Variants in SNTB1 observed in about 807,000 individuals in gnomAD.
SNTB1 encodes beta-1-syntrophin.
SNTB1 carries 36 observed loss-of-function variants against 48.9 expected under a neutral mutation model. The observed-to-expected ratio is 0.74, with a 90% confidence interval of 0.56 to 0.97. SNTB1 has a LOEUF of 0.97. Among genes scored for constraint, SNTB1 ranks in the 50% least tolerant of loss-of-function variants. The probability of loss-of-function intolerance (pLI) is 0.00; values close to 1 mark genes in which losing one functional copy is unlikely to be tolerated. For synonymous variants in SNTB1, 299 were observed against 294.6 expected (o/e 1.01, Z -0.15); for missense variants, 786 against 703.4 (o/e 1.12, Z -1.33).
At chr8:120,561,453 T>C (rs1161970726) in intron 4 of SNTB1, among the ~76,000 whole-genome samples, 1 of 152,144 alleles carries the variant, frequency 6.6e-6, no homozygotes, top group Non-Finnish European at 1.5e-5. Flanking sequence ...ACAAGACTTA[T>C]AATCTGATGG....
At chr8:120,719,639 G>A (rs1021662242) in intron 1 of SNTB1, among the ~76,000 whole-genome samples, 2 of 152,118 alleles carry the variant, frequency 1.3e-5, no homozygotes, top group Admixed American at 6.5e-5. Flanking sequence ...GGTTGAACTC[G>A]CTGTCTTAGT....
chr8:120,578,002 A>AG (rs1208400780), intron 3 of SNTB1, among the ~76,000 whole-genome samples: 1 of 152,080 alleles, frequency 6.6e-6, no homozygotes, highest in Non-Finnish European at 1.5e-5. Flanking sequence ...AACTTTCCAA[A>AG]GGGGGGAAAA....
intron 3 of SNTB1, among the ~76,000 whole-genome samples, chr8:120,629,222 G>C (rs1480356814): frequency 2.0e-5 from 3 of 152,216 alleles, no homozygotes; most frequent in East Asian, 3.9e-4. Flanking sequence ...CAAGTCTCCT[G>C]ACTATCTCAT....
At chr8:120,756,403 T>C (rs150750587) in intron 1 of SNTB1, among the ~76,000 whole-genome samples, 38 of 152,212 alleles carry the variant, frequency 2.5e-4, no homozygotes, top group African/African-American at 8.9e-4. Context: ...AGGATTTAGT[T>C]TGATGCAGGA....
chr8:120,753,209 C>T (rs939534646), intron 1 of SNTB1, among the ~76,000 whole-genome samples: 3 of 152,056 alleles, frequency 2.0e-5, no homozygotes, highest in Admixed American at 1.3e-4. Flanking sequence ...TCATATAATA[C>T]ACACCAAGGA....
intron 3 of SNTB1, among the ~76,000 whole-genome samples, chr8:120,603,604 A>G (rs1337232409): frequency 6.6e-6 from 1 of 152,180 alleles, no homozygotes; most frequent in East Asian, 1.9e-4. Context: ...GGAGTCCAGC[A>G]ATCTATGTTC....
At chr8:120,803,975 C>T (rs1023619660) in intron 1 of SNTB1, among the ~76,000 whole-genome samples, 6 of 152,138 alleles carry the variant, frequency 3.9e-5, no homozygotes, top group African/African-American at 1.2e-4. Flanking sequence ...TCTGGCTCCT[C>T]TTTCGTCAAC....
At chr8:120,791,472 CA>C (rs1374998201) in intron 1 of SNTB1, among the ~76,000 whole-genome samples, 2 of 151,986 alleles carry the variant, frequency 1.3e-5, no homozygotes, top group Non-Finnish European at 2.9e-5. Flanking sequence ...AGCTTCTGCA[CA>C]GCAAAAGAAA....
At chr8:120,607,581 A>G (rs908743106) in intron 3 of SNTB1, among the ~76,000 whole-genome samples, 17 of 152,208 alleles carry the variant, frequency 1.1e-4, no homozygotes, top group African/African-American at 3.6e-4. Flanking sequence ...GCAATGAAAG[A>G]CTTGTTATCT....
intron 3 of SNTB1, among the ~76,000 whole-genome samples, chr8:120,618,469 AC>A (rs755775038): frequency 2.0e-5 from 3 of 152,206 alleles, no homozygotes; most frequent in Non-Finnish European, 4.4e-5. Flanking sequence ...GCAGCAAGGA[AC>A]TTGTCTGACG....
intron 2 of SNTB1, among the ~76,000 whole-genome samples, chr8:120,644,090 G>T (rs540891720): frequency 1.4e-4 from 22 of 152,058 alleles, no homozygotes; most frequent in African/African-American, 5.3e-4. Flanking sequence ...AAATGTAGAG[G>T]GAGAGTTTTT....
intron 1 of SNTB1, among the ~76,000 whole-genome samples, chr8:120,708,427 C>T (rs1426406510): frequency 6.6e-6 from 1 of 152,056 alleles, no homozygotes; most frequent in African/African-American, 2.4e-5. Context: ...AGAGACTAGA[C>T]ACAAAAAGAG....
Position 120,812,013 on chromosome 8 carries a change from TGGCAGCTGCACTCA to T in SNTB1, c.-184_-171del. On this transcript the variant is annotated 5_prime_UTR_variant, in exon 1 of 7. Coordinates refer to ENST00000517992, the MANE Select transcript of SNTB1 (RefSeq NM_021021.4). ...GTTCGCAGACGCACTCGGCGGGAGTTGGCAGCTGCACTCAGGCTGGTTCCCCCTCGCCTGATCCT... is the reference window on the plus strand; with the variant it reads ...GTTCGCAGACGCACTCGGCGGGAGTTGGCTGGTTCCCCCTCGCCTGATCCT... The T allele has an allele frequency of 7.9e-7, 1 of 1,266,494 alleles. No individual in the cohort carries two copies. The highest frequency in any genetic ancestry group is 9.9e-7 in the Non-Finnish European group (1 of 1,011,872). The allele number at this position is 1,266,494 out of a possible 1,614,324, so 78.5% of individuals were successfully genotyped here.
intron 3 of SNTB1, among the ~76,000 whole-genome samples, chr8:120,600,956 G>T (rs1042705480): frequency 2.4e-4 from 37 of 152,150 alleles, no homozygotes; most frequent in African/African-American, 8.7e-4. Context: ...GTTAGACTCT[G>T]ATGGGAAGGA....
At chr8:120,636,405 A>G (rs1462879681) in intron 2 of SNTB1, among the ~76,000 whole-genome samples, 32 of 91,544 alleles carry the variant, frequency 3.5e-4, no homozygotes. Flanking sequence ...CCCCCACCCC[A>G]CAACAGTCCC....
At chr8:120,576,396 A>G (rs541694530) in intron 3 of SNTB1, among the ~76,000 whole-genome samples, 1 of 152,372 alleles carries the variant, frequency 6.6e-6, no homozygotes, top group Admixed American at 6.5e-5. Context: ...CTTAAGTGAC[A>G]CAGTGGAATC....
chr8:120,719,744 G>C (rs1044236030), intron 1 of SNTB1, among the ~76,000 whole-genome samples: 20 of 152,268 alleles, frequency 1.3e-4, no homozygotes, highest in African/African-American at 4.8e-4. Context: ...AGGATGTAGG[G>C]AAAGAGAGAC....
At chr8:120,545,217 A>G (rs538468855) in intron 5 of SNTB1, among the ~76,000 whole-genome samples, 1 of 152,274 alleles carries the variant, frequency 6.6e-6, no homozygotes, top group Admixed American at 6.5e-5. Context: ...GGTGGCAGGC[A>G]TCTGTAATCC....
chr8:120,721,551 T>C (rs1317950504), intron 1 of SNTB1, among the ~76,000 whole-genome samples: 2 of 152,210 alleles, frequency 1.3e-5, no homozygotes, highest in African/African-American at 2.4e-5. Context: ...ACTACTCTAA[T>C]TGGCTGGCTT....
Sources: allele counts gnomAD v4.1 joint callset (sites outside exome capture counted in the v4.1 genomes callset), GRCh38; gene constraint gnomAD v4.1.1; transcripts MANE v1.5; gene names NCBI Gene and HGNC (gene_info 2026-07-23, HGNC 2026-07-21).